The following SIAH3 variants were observed in gnomAD, a reference collection of about 807,000 sequenced individuals.
SIAH3 encodes the protein siah E3 ubiquitin protein ligase family member 3.
A neutral mutation model predicts 12.6 loss-of-function variants in SIAH3; 9 were observed. That is an observed-to-expected ratio of 0.72 (90% CI 0.43 to 1.25). SIAH3 has a LOEUF of 1.25. Ranked by LOEUF, SIAH3 falls within the 50% of genes most tolerant of loss-of-function variation. The pLI is 0.00. For synonymous variants in SIAH3, 154 were observed against 151.1 expected, an observed-to-expected ratio of 1.02 and a Z score of -0.14; for missense variants, 390 against 365.4, an observed-to-expected ratio of 1.07 and a Z score of -0.55.
At chr13:45,799,775 TCCAAG>T (rs1566089258) in intron 1 of SIAH3, among the ~76,000 whole-genome samples, 3 of 152,216 alleles carry the variant, frequency 2.0e-5, no homozygotes, top group Non-Finnish European at 4.4e-5. Context: ...TTCATTTCAT[TCCAAG>T]CTGACTTTTC....
intron 1 of SIAH3, among the ~76,000 whole-genome samples, chr13:45,792,337 T>A (rs963938304): frequency 6.6e-6 from 1 of 151,054 alleles, no homozygotes; most frequent in Non-Finnish European, 1.5e-5. Flanking sequence ...GCTGCCACCA[T>A]GTGACTCATT....
chr13:45,833,440 A>C (rs1033595608), intron 1 of SIAH3, among the ~76,000 whole-genome samples: 13 of 152,022 alleles, frequency 8.6e-5, no homozygotes, highest in African/African-American at 3.1e-4. Flanking sequence ...GTTATTCTAC[A>C]TGGCGCTCAT....
At chr13:45,826,621 C>T (rs1016742282) in intron 1 of SIAH3, among the ~76,000 whole-genome samples, 1 of 152,078 alleles carries the variant, frequency 6.6e-6, no homozygotes, top group African/African-American at 2.4e-5. Flanking sequence ...CATGTTGCAG[C>T]CTTCATCACA....
chr13:45,793,639 T>C (rs1950553343), intron 1 of SIAH3, among the ~76,000 whole-genome samples: 1 of 152,048 alleles, frequency 6.6e-6, no homozygotes, highest in Non-Finnish European at 1.5e-5. Context: ...GATGAATAAA[T>C]AACTCCTCCC....
chr13:45,798,728 C>G (rs77017067), intron 1 of SIAH3, among the ~76,000 whole-genome samples: 2,081 of 152,286 alleles, frequency 0.014, 55 homozygotes, highest in African/African-American at 0.047. Context: ...CAGTCACTTC[C>G]GGCAGATCCC....
At chr13:45,806,707 C>G (rs879666243) in intron 1 of SIAH3, among the ~76,000 whole-genome samples, 1 of 151,970 alleles carries the variant, frequency 6.6e-6, no homozygotes, top group Admixed American at 6.6e-5. Context: ...ACATTTACCC[C>G]CTAAACTTAA....
chr13:45,842,459 T>C (rs1950743454), intron 1 of SIAH3, among the ~76,000 whole-genome samples: 1 of 152,066 alleles, frequency 6.6e-6, no homozygotes, highest in African/African-American at 2.4e-5. Context: ...TCATCCCACC[T>C]CAGCCCCTCC....
intron 1 of SIAH3, among the ~76,000 whole-genome samples, chr13:45,810,740 G>A (rs1354166923): frequency 1.3e-5 from 2 of 152,252 alleles, no homozygotes; most frequent in East Asian, 1.9e-4. Flanking sequence ...CTGCATTGTC[G>A]CTGCTGGTCA....
chr13:45,837,500 G>A (rs763967457), intron 1 of SIAH3, among the ~76,000 whole-genome samples: 4 of 147,612 alleles, frequency 2.7e-5, no homozygotes, highest in African/African-American at 7.5e-5. Context: ...GAAAAAGAAA[G>A]AAAGAAAAAT....
At chr13:45,799,169 G>C (rs1429592505) in intron 1 of SIAH3, among the ~76,000 whole-genome samples, 1 of 152,186 alleles carries the variant, frequency 6.6e-6, no homozygotes, top group Non-Finnish European at 1.5e-5. Flanking sequence ...GACTAAGATC[G>C]GGAATTGAGG....
intron 1 of SIAH3, among the ~76,000 whole-genome samples, chr13:45,817,039 C>G (rs187636925): frequency 6.6e-6 from 1 of 152,184 alleles, no homozygotes; most frequent in Non-Finnish European, 1.5e-5. Flanking sequence ...AATAATATCA[C>G]TGGCTTTTTA....
At chr13:45,820,347 G>A (rs1231737834) in intron 1 of SIAH3, among the ~76,000 whole-genome samples, 2 of 152,102 alleles carry the variant, frequency 1.3e-5, no homozygotes, top group African/African-American at 4.8e-5. Flanking sequence ...TGGTGGGGAC[G>A]GAGCCAGAGA....
At chr13:45,839,846 CAAA>C (rs1950733951) in intron 1 of SIAH3, among the ~76,000 whole-genome samples, 2 of 152,004 alleles carry the variant, frequency 1.3e-5, no homozygotes, top group Admixed American at 6.5e-5. Context: ...AACAAACAAA[CAAA>C]CAAAAATCAT....
intron 1 of SIAH3, among the ~76,000 whole-genome samples, chr13:45,834,974 T>C (rs1950713014): frequency 6.6e-6 from 1 of 152,196 alleles, no homozygotes; most frequent in South Asian, 2.1e-4. Context: ...AGTGTGTATT[T>C]AAAGACAAGT....
intron 1 of SIAH3, among the ~76,000 whole-genome samples, chr13:45,791,186 G>GA (rs988090512): frequency 6.6e-6 from 1 of 151,894 alleles, no homozygotes. Context: ...AAGAAAAAAA[G>GA]AAAATCACTA....
chr13:45,785,445 CAG>C lies in SIAH3; in HGVS notation c.136-1390_136-1389del, dbSNP rs536457005. ...GAAGGTCACCAGCCACTGTTGCTGC[CAG>C]AGTTTCTATCTATCTCCCCTGACTT... On this transcript the variant is annotated intron_variant, in intron 1 of 1. Coordinates refer to ENST00000400405, the MANE Select transcript of SIAH3 (RefSeq NM_198849.3). Among the ~76,000 whole-genome samples the C allele has an allele frequency of 3.9e-5, 5 of 129,088 alleles. No individual in the cohort carries two copies. The South Asian group carries it at 1.2e-3, about 30-fold the overall frequency. The allele number at this position is 129,088 out of a possible 152,430, so 84.7% of individuals were successfully genotyped here.
chr13:45,846,546 C>A (rs1272775417), intron 1 of SIAH3, among the ~76,000 whole-genome samples: 1 of 152,106 alleles, frequency 6.6e-6, no homozygotes, highest in East Asian at 1.9e-4. Flanking sequence ...GGGTAAAATA[C>A]CCCCACAGAC....
chr13:45,843,672 C>A (rs1392077304), intron 1 of SIAH3, among the ~76,000 whole-genome samples: 2 of 152,008 alleles, frequency 1.3e-5, no homozygotes, highest in African/African-American at 4.8e-5. Flanking sequence ...TCACATGAGG[C>A]AAAAAATTGT....
chr13:45,814,732 C>CTT lies in SIAH3; in HGVS notation c.136-30677_136-30676dup, dbSNP rs11386908. On this transcript the variant is annotated intron_variant, in intron 1 of 1. Transcript: ENST00000400405. The stretch of plus-strand genomic sequence containing the variant: ...AAAGTAATTGCGGGTTTTGCCATTA[C>CTT]TTTTTTTTTTTGAGACAGAGGCTCC... 3.1e-3 allele frequency among the ~76,000 whole-genome samples: 461 copies of CTT among 146,680 alleles called. 2 individuals are homozygous for CTT. Among genetic ancestry groups the CTT allele is most frequent in the Non-Finnish European group, 4.5e-3 (305 of 67,064 alleles).
Sources: gnomAD v4.1 joint callset for allele counts (sites outside exome capture counted in the v4.1 genomes callset) on GRCh38, gnomAD v4.1.1 for gene constraint, MANE v1.5 for transcripts, NCBI Gene and HGNC (gene_info 2026-07-23, HGNC 2026-07-21) for gene names.